Variants in KIRREL3 observed in about 807,000 individuals in gnomAD.
The protein encoded by KIRREL3 is kirre like nephrin family adhesion molecule 3, also known as kin of IRRE-like protein 3.
In KIRREL3, 36 loss-of-function variants were observed where a neutral mutation model predicts 89.7. That is an observed-to-expected ratio of 0.40 (90% CI 0.31 to 0.53). The LOEUF (loss-of-function observed/expected upper bound fraction) is 0.53. KIRREL3 is among the 20% of genes least tolerant of loss of function. The pLI is 0.49. For synonymous variants in KIRREL3, 445 were observed against 441.4 expected (o/e 1.01, Z -0.10); for missense variants, 864 against 1,056.6 (o/e 0.82, Z 2.53).
At chr11:126,728,342 C>T (rs937870874) in intron 1 of KIRREL3, among the ~76,000 whole-genome samples, 5 of 152,112 alleles carry the variant, frequency 3.3e-5, no homozygotes, top group Admixed American at 6.5e-5. Flanking sequence ...AGTGTTCTCC[C>T]GTGGCATGCT....
rs1295808872 is a variant in KIRREL3 at position 126,685,983 on chromosome 11, C to T, written c.56-123071G>A. Among the ~76,000 whole-genome samples, 1 of 152,218 alleles carries T rather than the reference C, an allele frequency of 6.6e-6. No homozygotes were observed. Among genetic ancestry groups the T allele is most frequent in the Non-Finnish European group, 1.5e-5 (1 of 68,032 alleles). On this transcript the variant is annotated intron_variant, in intron 1 of 16. Transcript: ENST00000525144. This position sits in a 1 kb window ranked among gnomAD's most constrained non-coding sequence, Gnocchi z 5.5. ...GCTCCACCCGGCTCTGCCTCTGTTC[C>T]CTTCACCTGCTTCTTCTCAGGCCAA...
At position 126,571,102 on chromosome 11, in the gene KIRREL3, C is replaced by T. The variant is rs192679965; in HGVS notation, c.56-8190G>A. 3.7e-3 allele frequency among the ~76,000 whole-genome samples: 563 copies of T among 152,304 alleles called. 1 individual carries two copies. Among genetic ancestry groups the T allele is most frequent in the South Asian group, 5.8e-3 (28 of 4,828 alleles). ...TCCATGTTGGTGCTTGTTGGTGCGT[C>T]GTGCCATGCTCTGTCTCCATTCTCT... On this transcript the variant is annotated intron_variant, in intron 1 of 16. Coordinates refer to ENST00000525144, the MANE Select transcript of KIRREL3 (RefSeq NM_032531.4). The surrounding 1 kb of genome is among the most constrained non-coding windows in gnomAD (Gnocchi z 7.7).
At chr11:126,880,727 G>A (rs1435385992) in intron 1 of KIRREL3, among the ~76,000 whole-genome samples, 1 of 150,982 alleles carries the variant, frequency 6.6e-6, no homozygotes, top group Non-Finnish European at 1.5e-5. Flanking sequence ...GTACTCCACA[G>A]TAAAATCTAA....
At chr11:126,604,802 G>T (rs565040995) in intron 1 of KIRREL3, among the ~76,000 whole-genome samples, 1 of 152,166 alleles carries the variant, frequency 6.6e-6, no homozygotes, top group African/African-American at 2.4e-5. Flanking sequence ...GAAAGGAGGT[G>T]ACTCAGAGAA....
chr11:126,449,729 A>G (rs190667466), intron 7 of KIRREL3, among the ~76,000 whole-genome samples: 3 of 152,360 alleles, frequency 2.0e-5, no homozygotes, highest in Non-Finnish European at 4.4e-5. Context: ...AATACCCATC[A>G]GGAGGAGTGG....
rs748632887 is a variant in KIRREL3 at position 126,716,674 on chromosome 11, T to A, written c.56-153762A>T. 2.1e-5 allele frequency among the ~76,000 whole-genome samples: 3 copies of A among 142,398 alleles called. No homozygotes were observed. In the East Asian group the frequency reaches 6.3e-4, roughly 30 times the overall value. The allele number at this position is 142,398 out of a possible 152,430, so 93.4% of individuals were successfully genotyped here. ...TATCACCCTGGAAGAAACAGCCAAA[T>A]GCATCTGAAAACTGGCCATATCAGT... On this transcript the variant is annotated intron_variant, in intron 1 of 16. Coordinates refer to ENST00000525144, the MANE Select transcript of KIRREL3 (RefSeq NM_032531.4).
intron 1 of KIRREL3, among the ~76,000 whole-genome samples, chr11:126,957,735 G>T (rs904176796): frequency 1.3e-5 from 2 of 152,200 alleles, no homozygotes; most frequent in African/African-American, 2.4e-5. Flanking sequence ...GAGCTCTAAG[G>T]TCAGGTCACC....
intron 9 of KIRREL3, among the ~76,000 whole-genome samples, chr11:126,446,304 C>CTT (rs1955808874): frequency 8.7e-6 from 1 of 114,926 alleles, no homozygotes; most frequent in African/African-American, 3.6e-5. Context: ...CTTTCTTTCT[C>CTT]TCTCTCTCTT....
rs781514440 is a variant in KIRREL3 at position 126,612,232 on chromosome 11, C to T, written c.56-49320G>A. 1.8e-4 allele frequency among the ~76,000 whole-genome samples: 28 copies of T among 152,088 alleles called. No homozygotes were observed. Among genetic ancestry groups the T allele is most frequent in the Non-Finnish European group, 3.5e-4 (24 of 68,024 alleles). The stretch of plus-strand genomic sequence containing the variant: ...TTGAGTATTATATGGACACCCTTGG[C>T]ATATAATAAATGCTCCCTCAGAATT... On this transcript the variant is annotated intron_variant, in intron 1 of 16. Coordinates refer to ENST00000525144, the MANE Select transcript of KIRREL3 (RefSeq NM_032531.4). The surrounding 1 kb of genome is among the most constrained non-coding windows in gnomAD (Gnocchi z 4.5).
chr11:126,660,429 T>C (rs1945344657), intron 1 of KIRREL3, among the ~76,000 whole-genome samples: 1 of 152,226 alleles, frequency 6.6e-6, no homozygotes, highest in Non-Finnish European at 1.5e-5. Context: ...ATTGCATTTG[T>C]TCCAAAGCCG....
At position 126,687,928 on chromosome 11, in the gene KIRREL3, A is replaced by G. The variant is rs545525703; in HGVS notation, c.56-125016T>C. On this transcript the variant is annotated intron_variant, in intron 1 of 16. Transcript: ENST00000525144. This position sits in a 1 kb window ranked among gnomAD's most constrained non-coding sequence, Gnocchi z 4.6. ...GAAGCAGCAAAAGAAAGCATCTAGA[A>G]AAAGGAAATAAAGGGCTGTAGGTGT... Among the ~76,000 whole-genome samples, 1 of 152,372 alleles carries G rather than the reference A, an allele frequency of 6.6e-6. No individual in the cohort carries two copies. Among genetic ancestry groups the G allele is most frequent in the Admixed American group, 6.5e-5 (1 of 15,308 alleles).
At position 126,541,123 on chromosome 11, in the gene KIRREL3, G is replaced by A. The variant is rs1229683820; in HGVS notation, c.134-14436C>T. Among the ~76,000 whole-genome samples, 1 of 152,170 alleles carries A rather than the reference G, an allele frequency of 6.6e-6. No individual in the cohort carries two copies. The highest frequency in any genetic ancestry group is 1.5e-5 in the Non-Finnish European group (1 of 68,032). The stretch of plus-strand genomic sequence containing the variant: ...CGTCAGCGTGGGCACCACCAGGAGA[G>A]GCTGGAGGCTAGGTCATGGATTGGC... On this transcript the variant is annotated intron_variant, in intron 2 of 16. Coordinates refer to ENST00000525144, the MANE Select transcript of KIRREL3 (RefSeq NM_032531.4). This position sits in a 1 kb window ranked among gnomAD's most constrained non-coding sequence, Gnocchi z 4.8.
In KIRREL3 at chr11:126,587,609, C is replaced by G. The variant is rs930600217; in HGVS notation, c.56-24697G>C. 3.3e-5 allele frequency among the ~76,000 whole-genome samples: 5 copies of G among 152,190 alleles called. No homozygotes were observed. The highest frequency in any genetic ancestry group is 7.2e-5 in the African/African-American group (3 of 41,450). ...TGAAAGAGGAGCACGCAGCACCAAT[C>G]CCTGAATCAAAATAAAAATCCGGCT... On this transcript the variant is annotated intron_variant, in intron 1 of 16. Transcript: ENST00000525144. The surrounding 1 kb of genome is among the most constrained non-coding windows in gnomAD (Gnocchi z 5.2).
intron 1 of KIRREL3, among the ~76,000 whole-genome samples, chr11:126,765,764 C>T (rs550487067): frequency 2.3e-3 from 355 of 152,250 alleles, no homozygotes; most frequent in African/African-American, 5.0e-3. Context: ...ACTCCTCAGG[C>T]GGATTAATTG....
At position 126,931,812 on chromosome 11, in the gene KIRREL3, A is replaced by T. The variant is rs1396783201; in HGVS notation, c.55+68643T>A. On this transcript the variant is annotated intron_variant, in intron 1 of 16. Transcript: ENST00000525144. This position sits in a 1 kb window ranked among gnomAD's most constrained non-coding sequence, Gnocchi z 5.1. ...AAAGATGGTGACAAATGATGCTAGTAACTGAGGGCTGCCAGCACCCAGGGA... is the reference window on the plus strand; with the variant it reads ...AAAGATGGTGACAAATGATGCTAGTTACTGAGGGCTGCCAGCACCCAGGGA... Among the ~76,000 whole-genome samples the T allele has an allele frequency of 6.6e-6, 1 of 152,150 alleles. No individual in the cohort carries two copies. Among genetic ancestry groups the T allele is most frequent in the African/African-American group, 2.4e-5 (1 of 41,428 alleles).
At chr11:126,868,686 G>A (rs1052437724) in intron 1 of KIRREL3, among the ~76,000 whole-genome samples, 1 of 152,154 alleles carries the variant, frequency 6.6e-6, no homozygotes, top group Non-Finnish European at 1.5e-5. Context: ...CTCTGATGCT[G>A]TTAGTGCCCT....
rs1407381920 is a variant in KIRREL3, at chr11:126,948,751, G to T, written c.55+51704C>A. ...CGCCATCCATAGGGTAAACAAAGTG[G>T]TACAATGGTTAGTTCAACTCCAGCA... is the stretch of plus-strand genomic sequence containing the variant. On this transcript the variant is annotated intron_variant, in intron 1 of 16. Coordinates refer to ENST00000525144, the MANE Select transcript of KIRREL3 (RefSeq NM_032531.4). This position sits in a 1 kb window ranked among gnomAD's most constrained non-coding sequence, Gnocchi z 4.5. 6.6e-6 allele frequency among the ~76,000 whole-genome samples: 1 copy of T among 152,214 alleles called. No homozygotes were observed. The highest frequency in any genetic ancestry group is 1.5e-5 in the Non-Finnish European group (1 of 68,046).
intron 1 of KIRREL3, among the ~76,000 whole-genome samples, chr11:126,942,534 A>C (rs1017369982): frequency 2.6e-5 from 4 of 152,182 alleles, no homozygotes; most frequent in African/African-American, 9.7e-5. Context: ...GCCCAGGTCC[A>C]TGTCGTCCCT....
rs1199198832 is a variant in KIRREL3, at chr11:126,814,710, C to G, written c.55+185745G>C. Among the ~76,000 whole-genome samples, 2 of 152,134 alleles carry G rather than the reference C, an allele frequency of 1.3e-5. No individual in the cohort carries two copies. Among genetic ancestry groups the G allele is most frequent in the Non-Finnish European group, 2.9e-5 (2 of 68,034 alleles). On this transcript the variant is annotated intron_variant, in intron 1 of 16. Transcript: ENST00000525144. The surrounding 1 kb of genome is among the most constrained non-coding windows in gnomAD (Gnocchi z 4.4). Reference sequence around the variant, plus strand: ...GCATGTTCTCACTTCTAAGTAGGAGCTGAACAGTGAGAACACGTGGACACA... The same window carrying G: ...GCATGTTCTCACTTCTAAGTAGGAGGTGAACAGTGAGAACACGTGGACACA...
Sources: allele counts gnomAD v4.1 joint callset (sites outside exome capture counted in the v4.1 genomes callset), GRCh38; gene constraint gnomAD v4.1.1; non-coding constraint Gnocchi (gnomAD v3.1); transcripts MANE v1.5; gene names NCBI Gene and HGNC (gene_info 2026-07-23, HGNC 2026-07-21).